The following SUPT3H variants were observed in gnomAD, a reference collection of about 807,000 sequenced individuals.
SUPT3H encodes the protein SPT3 homolog, SAGA and STAGA complex component, also known as transcription initiation protein SPT3 homolog.
Under a neutral mutation model 44.3 loss-of-function variants are expected in SUPT3H, and 44 were observed. The ratio of observed to expected loss-of-function variants is 0.99; its 90% CI spans 0.78 to 1.28. The LOEUF (loss-of-function observed/expected upper bound fraction) is 1.28. Among genes scored for constraint, SUPT3H ranks in the 50% most tolerant of loss-of-function variants. SUPT3H has a pLI of 0.00. For synonymous variants in SUPT3H, 124 were observed against 125.6 expected (o/e 0.99, Z 0.09); for missense variants, 380 against 387.1 (o/e 0.98, Z 0.15).
intron 9 of SUPT3H, among the ~76,000 whole-genome samples, chr6:44,934,180 ACT>A (rs1342138618): frequency 1.3e-5 from 2 of 152,168 alleles, no homozygotes; most frequent in African/African-American, 2.4e-5. Flanking sequence ...AGGGAATATA[ACT>A]CTATAGATAG....
At chr6:45,311,487 A>G (rs922560734) in intron 2 of SUPT3H, among the ~76,000 whole-genome samples, 2 of 152,232 alleles carry the variant, frequency 1.3e-5, no homozygotes, top group African/African-American at 4.8e-5. Flanking sequence ...CATCACAAAA[A>G]GATCAATGTC....
chr6:45,257,922 T>A (rs1394532554), intron 2 of SUPT3H, among the ~76,000 whole-genome samples: 1 of 152,214 alleles, frequency 6.6e-6, no homozygotes, highest in East Asian at 1.9e-4. Context: ...TATATTGACT[T>A]TGGAAACAAA....
intron 2 of SUPT3H, among the ~76,000 whole-genome samples, chr6:45,349,681 T>A (rs2150180665): frequency 6.6e-6 from 1 of 152,378 alleles, no homozygotes; most frequent in East Asian, 1.9e-4. Context: ...ATCAATTTGC[T>A]GCTCTTTATA....
In SUPT3H at chr6:45,352,659, T is replaced by G. The variant is rs73735384; in HGVS notation, c.101+12542A>C. 7.2e-3 allele frequency among the ~76,000 whole-genome samples: 1,097 copies of G among 152,292 alleles called. 19 individuals carry two copies. The highest frequency in any genetic ancestry group is 0.025 in the African/African-American group (1,045 of 41,580). The stretch of plus-strand genomic sequence containing the variant: ...TACAAGTAGAGTACTATGGAGCAAC[T>G]GTACCTAGTATTCTGTTTATAAGTA... On this transcript the variant is annotated intron_variant, in intron 2 of 10. Coordinates refer to ENST00000371459, the MANE Select transcript of SUPT3H (RefSeq NM_003599.4).
At chr6:45,056,431 CA>C (rs1475956503) in intron 3 of SUPT3H, among the ~76,000 whole-genome samples, 6 of 152,016 alleles carry the variant, frequency 3.9e-5, no homozygotes, top group Non-Finnish European at 2.9e-5. Context: ...AAACCAGTGC[CA>C]ATGCTCATCA....
At chr6:44,885,374 G>T (rs1039372754) in intron 10 of SUPT3H, among the ~76,000 whole-genome samples, 1 of 151,984 alleles carries the variant, frequency 6.6e-6, no homozygotes, top group Non-Finnish European at 1.5e-5. Flanking sequence ...CCCAGTAGGG[G>T]CAGACTGACA....
intron 2 of SUPT3H, among the ~76,000 whole-genome samples, chr6:45,294,371 T>C (rs1033823218): frequency 9.2e-5 from 14 of 152,196 alleles, no homozygotes; most frequent in African/African-American, 3.4e-4. Context: ...ACAGCCAACA[T>C]AATACTGAAT....
At chr6:45,043,378 T>C (rs1345200737) in intron 3 of SUPT3H, among the ~76,000 whole-genome samples, 1 of 152,058 alleles carries the variant, frequency 6.6e-6, no homozygotes, top group African/African-American at 2.4e-5. Flanking sequence ...CATGGGTGAG[T>C]TGTGTGTCAC....
At chr6:44,915,380 G>C (rs780253753) in intron 10 of SUPT3H, among the ~76,000 whole-genome samples, 1 of 152,022 alleles carries the variant, frequency 6.6e-6, no homozygotes, top group African/African-American at 2.4e-5. Flanking sequence ...AATAATTTAC[G>C]GTTCTGCTGA....
At chr6:44,851,688 T>C (rs1333939557) in intron 10 of SUPT3H, among the ~76,000 whole-genome samples, 2 of 152,220 alleles carry the variant, frequency 1.3e-5, no homozygotes, top group Admixed American at 6.5e-5. Context: ...ATAGGATAAT[T>C]TTTAAAAAGG....
At chr6:45,121,918 C>T (rs529394344) in intron 2 of SUPT3H, among the ~76,000 whole-genome samples, 35 of 152,056 alleles carry the variant, frequency 2.3e-4, no homozygotes, top group Admixed American at 3.3e-4. Context: ...CCTCATGATC[C>T]ACCCGCCTCA....
chr6:45,233,109 C>T (rs138829109), intron 2 of SUPT3H, among the ~76,000 whole-genome samples: 5 of 152,220 alleles, frequency 3.3e-5, no homozygotes, highest in Middle Eastern at 3.4e-3. Context: ...TTAGAAATTA[C>T]GCGCTTTAGT....
At chr6:45,155,268 C>A (rs2153598342) in intron 2 of SUPT3H, among the ~76,000 whole-genome samples, 1 of 152,210 alleles carries the variant, frequency 6.6e-6, no homozygotes, top group South Asian at 2.1e-4. Flanking sequence ...ACATGACAGC[C>A]AAGATGTCAA....
At chr6:45,145,010 A>G (rs1805812067) in intron 2 of SUPT3H, among the ~76,000 whole-genome samples, 2 of 152,276 alleles carry the variant, frequency 1.3e-5, no homozygotes, top group South Asian at 4.1e-4. Context: ...CACTGCTGAA[A>G]TAAATCACCA....
At chr6:45,007,953 G>A (rs1326173529) in intron 5 of SUPT3H, among the ~76,000 whole-genome samples, 1 of 151,746 alleles carries the variant, frequency 6.6e-6, no homozygotes, top group African/African-American at 2.4e-5. Context: ...TTTGTGATTG[G>A]TTTCTTTCAT....
intron 2 of SUPT3H, among the ~76,000 whole-genome samples, chr6:45,120,169 C>T (rs1339920826): frequency 6.6e-6 from 1 of 151,272 alleles, no homozygotes; most frequent in Non-Finnish European, 1.5e-5. Context: ...CTAAAAAAAA[C>T]AAAAAACAAA....
chr6:44,952,008 CT>C (rs1446824611), intron 9 of SUPT3H, among the ~76,000 whole-genome samples: 1 of 152,010 alleles, frequency 6.6e-6, no homozygotes. Flanking sequence ...GCTTTAGGGA[CT>C]TTTGTATGTT....
At chr6:45,051,561 A>G (rs1465491624) in intron 3 of SUPT3H, among the ~76,000 whole-genome samples, 2 of 151,566 alleles carry the variant, frequency 1.3e-5, no homozygotes, top group Admixed American at 6.6e-5. Flanking sequence ...ATTTATACAT[A>G]TATCACAGGA....
intron 10 of SUPT3H, among the ~76,000 whole-genome samples, chr6:44,870,666 A>G (rs1277341856): frequency 6.6e-6 from 1 of 151,648 alleles, no homozygotes; most frequent in Non-Finnish European, 1.5e-5. Flanking sequence ...GAATAGGAAC[A>G]GCTCCAGTCT....
Sources: allele counts gnomAD v4.1 joint callset (sites outside exome capture counted in the v4.1 genomes callset), GRCh38; gene constraint gnomAD v4.1.1; transcripts MANE v1.5; gene names NCBI Gene and HGNC (gene_info 2026-07-23, HGNC 2026-07-21).